MAGI1: variants seen among roughly 807,000 people sequenced by gnomAD.
MAGI1 encodes the protein membrane-associated guanylate kinase, WW and PDZ domain-containing protein 1.
MAGI1 carries 58 observed loss-of-function variants against 139.9 expected under a neutral mutation model. The ratio of observed to expected loss-of-function variants is 0.41; its 90% CI spans 0.34 to 0.52. MAGI1 has a LOEUF of 0.52. MAGI1 is among the 20% of genes least tolerant of loss of function. The pLI is 0.12. For missense variants in MAGI1, 1,874 were observed against 1,901.6 expected, an observed-to-expected ratio of 0.99 and a Z score of 0.27; for synonymous variants, 812 against 737.9, an observed-to-expected ratio of 1.10 and a Z score of -1.63.
At chr3:65,783,137 G>A (rs188742433) in intron 1 of MAGI1, among the ~76,000 whole-genome samples, 1 of 151,800 alleles carries the variant, frequency 6.6e-6, no homozygotes, top group African/African-American at 2.4e-5. Flanking sequence ...TATCTAATAA[G>A]TGTCCAGTGT....
chr3:65,844,023 C>G (rs1275882649), intron 1 of MAGI1: 4 of 353,882 alleles, frequency 1.1e-5, no homozygotes, highest in Non-Finnish European at 2.2e-5. Context: ...ATGAAAGCCA[C>G]CAAGTATCTA....
chr3:65,412,363 G>A lies in MAGI1; in HGVS notation c.2168-10893C>T, dbSNP rs1047549202. ...AACCAGAGATCCAGGCAGGCTACCAGCAGATCTGAAGTGGCCCTTTTCTGA... is the reference window on the plus strand; with the variant it reads ...AACCAGAGATCCAGGCAGGCTACCAACAGATCTGAAGTGGCCCTTTTCTGA... On this transcript the variant is annotated intron_variant, in intron 12 of 22. Transcript: ENST00000402939. Among the ~76,000 whole-genome samples, 16 of 152,214 alleles carry A rather than the reference G, an allele frequency of 1.1e-4. 1 individual carries two copies. Among genetic ancestry groups the A allele is most frequent in the Admixed American group, 8.5e-4 (13 of 15,278 alleles).
chr3:65,716,268 G>T (rs1436934941), intron 1 of MAGI1, among the ~76,000 whole-genome samples: 1 of 152,194 alleles, frequency 6.6e-6, no homozygotes, highest in Non-Finnish European at 1.5e-5. Context: ...CAGGCCAGCT[G>T]ATTGTAATCC....
intron 1 of MAGI1, among the ~76,000 whole-genome samples, chr3:65,881,266 T>C (rs941634320): frequency 6.6e-6 from 1 of 152,144 alleles, no homozygotes; most frequent in African/African-American, 2.4e-5. Context: ...TACTCTTAGA[T>C]AAGAGAGTAC....
At chr3:65,668,313 T>G (rs751352640) in intron 1 of MAGI1, among the ~76,000 whole-genome samples, 4 of 152,226 alleles carry the variant, frequency 2.6e-5, no homozygotes, top group Non-Finnish European at 5.9e-5. Flanking sequence ...AAGCTTATAC[T>G]GGCTCATGAG....
intron 12 of MAGI1, among the ~76,000 whole-genome samples, chr3:65,415,393 G>A (rs573271631): frequency 1.8e-4 from 27 of 152,310 alleles, no homozygotes; most frequent in African/African-American, 6.3e-4. Context: ...GGTGTAACAG[G>A]CCCTCTTCTT....
chr3:65,527,422 A>G (rs9843855), intron 2 of MAGI1, among the ~76,000 whole-genome samples: 1,697 of 152,222 alleles, frequency 0.011, 30 homozygotes, highest in African/African-American at 0.039. Flanking sequence ...TCTACTGAAA[A>G]TATAAAACTT....
At position 65,470,280 on chromosome 3, in the gene MAGI1, T is replaced by G; in HGVS notation, c.959+3A>C. The G allele has an allele frequency of 6.3e-7, 1 of 1,584,868 alleles. No individual in the cohort carries two copies. The highest frequency in any genetic ancestry group is 8.7e-7 in the Non-Finnish European group (1 of 1,153,960). ...TTTAGGTAGAAATAATGGTATACTT[T>G]ACTCTATAAAATAGACTTCTCCATT... On this transcript the variant is annotated splice_donor_region_variant and intron_variant, in intron 5 of 22. Coordinates refer to ENST00000402939, the MANE Select transcript of MAGI1 (RefSeq NM_001033057.2).
intron 1 of MAGI1, among the ~76,000 whole-genome samples, chr3:65,877,484 T>A (rs1040368099): frequency 2.0e-5 from 3 of 152,098 alleles, no homozygotes; most frequent in Admixed American, 2.0e-4. Flanking sequence ...GTAGAGAGGT[T>A]CCCCAGAGAT....
At chr3:65,929,935 C>A (rs896498101) in intron 1 of MAGI1, among the ~76,000 whole-genome samples, 1 of 152,130 alleles carries the variant, frequency 6.6e-6, no homozygotes, top group African/African-American at 2.4e-5. Flanking sequence ...TCACTTGAAC[C>A]AAGTTGCAGT....
chr3:65,732,915 T>C (rs1459001483), intron 1 of MAGI1, among the ~76,000 whole-genome samples: 1 of 152,158 alleles, frequency 6.6e-6, no homozygotes, highest in African/African-American at 2.4e-5. Flanking sequence ...GTGTAAAATA[T>C]CAGGGAATGA....
At chr3:65,445,382 AG>A (rs929836793) in intron 7 of MAGI1, among the ~76,000 whole-genome samples, 1 of 152,180 alleles carries the variant, frequency 6.6e-6, no homozygotes, top group Non-Finnish European at 1.5e-5. Flanking sequence ...AAAGCACAAA[AG>A]GAATAGGACA....
chr3:65,484,251 A>G (rs7629552), intron 3 of MAGI1, among the ~76,000 whole-genome samples: 143,522 of 152,242 alleles, frequency 0.94, 67,679 homozygotes, highest in East Asian at 0.98. Flanking sequence ...GACAAACATA[A>G]AGGCCCAAAG....
chr3:65,719,412 AT>A (rs938385117), intron 1 of MAGI1, among the ~76,000 whole-genome samples: 2 of 151,902 alleles, frequency 1.3e-5, no homozygotes, highest in South Asian at 2.1e-4. Flanking sequence ...ATTATGTATG[AT>A]TTTTTTAACT....
intron 1 of MAGI1, among the ~76,000 whole-genome samples, chr3:65,809,748 A>T (rs947382350): frequency 3.3e-5 from 5 of 152,172 alleles, no homozygotes; most frequent in Non-Finnish European, 5.9e-5. Context: ...AGGGAAATGG[A>T]TATTATGCAG....
chr3:65,774,852 G>C (rs1041397681), intron 1 of MAGI1, among the ~76,000 whole-genome samples: 4 of 152,144 alleles, frequency 2.6e-5, no homozygotes, highest in African/African-American at 9.7e-5. Flanking sequence ...ATAGGGAGAA[G>C]ATTTTGATTT....
chr3:65,632,074 T>C (rs771585725), intron 1 of MAGI1, among the ~76,000 whole-genome samples: 1 of 151,988 alleles, frequency 6.6e-6, no homozygotes, highest in Non-Finnish European at 1.5e-5. Context: ...ACAACTATTA[T>C]ACATAATGCT....
At chr3:65,455,144 C>A (rs1949307532) in intron 5 of MAGI1, among the ~76,000 whole-genome samples, 1 of 152,100 alleles carries the variant, frequency 6.6e-6, no homozygotes, top group Non-Finnish European at 1.5e-5. Flanking sequence ...ACTGTAGATT[C>A]ACATTCAGTT....
At chr3:65,752,578 C>T (rs977397127) in intron 1 of MAGI1, among the ~76,000 whole-genome samples, 1 of 152,142 alleles carries the variant, frequency 6.6e-6, no homozygotes, top group African/African-American at 2.4e-5. Context: ...AAGCAAGCTA[C>T]TAAGGTTATG....
Sources: gnomAD v4.1 joint callset for allele counts (sites outside exome capture counted in the v4.1 genomes callset) on GRCh38, gnomAD v4.1.1 for gene constraint, MANE v1.5 for transcripts, NCBI Gene and HGNC (gene_info 2026-07-23, HGNC 2026-07-21) for gene names.